Variants in DGKB observed in about 807,000 individuals in gnomAD.
DGKB encodes diacylglycerol kinase beta.
DGKB carries 67 observed loss-of-function variants against 114.3 expected under a neutral mutation model. The ratio of observed to expected loss-of-function variants is 0.59; its 90% CI spans 0.48 to 0.72. DGKB has a LOEUF of 0.72. Among genes scored for constraint, DGKB ranks in the 30% least tolerant of loss-of-function variants. The pLI, the probability that DGKB is intolerant of heterozygous loss-of-function variation, is 0.00. For synonymous variants in DGKB, 398 were observed against 323.1 expected (o/e 1.23, Z -2.49); for missense variants, 907 against 975.2 (o/e 0.93, Z 0.93).
At chr7:14,669,438 G>A (rs1450803470) in intron 13 of DGKB, among the ~76,000 whole-genome samples, 1 of 152,064 alleles carries the variant, frequency 6.6e-6, no homozygotes, top group African/African-American at 2.4e-5. Flanking sequence ...AGAATCTGTT[G>A]GTGAAGTTCT....
intron 1 of DGKB, among the ~76,000 whole-genome samples, chr7:14,860,278 GAAGT>G (rs1361307127): frequency 6.6e-6 from 1 of 151,962 alleles, no homozygotes; most frequent in Admixed American, 6.6e-5. Flanking sequence ...AATCTATAAA[GAAGT>G]AAGCATTTTC....
At position 14,226,919 on chromosome 7, in the gene DGKB, A is replaced by G. The variant is rs1397382182; in HGVS notation, c.2123-48768T>C. 2.0e-5 allele frequency among the ~76,000 whole-genome samples: 3 copies of G among 152,032 alleles called. No homozygotes were observed. The East Asian group carries it at 5.8e-4, about 30-fold the overall frequency. Reference sequence around the variant, plus strand: ...GGTTAAAAAAGAATCTCATTTATCTATTTAATGGGGGTCTCACTGTGTTGC... The same window carrying G: ...GGTTAAAAAAGAATCTCATTTATCTGTTTAATGGGGGTCTCACTGTGTTGC... On this transcript the variant is annotated intron_variant, in intron 23 of 25. Transcript: ENST00000402815.
intron 19 of DGKB, among the ~76,000 whole-genome samples, chr7:14,576,460 A>C (rs1483388471): frequency 6.6e-6 from 1 of 151,888 alleles, no homozygotes; most frequent in African/African-American, 2.4e-5. Flanking sequence ...AAATATATTC[A>C]TCTATTTTCC....
intron 19 of DGKB, among the ~76,000 whole-genome samples, chr7:14,578,114 A>C (rs1799431752): frequency 6.6e-6 from 1 of 151,958 alleles, no homozygotes; most frequent in Non-Finnish European, 1.5e-5. Context: ...ATGAGATCTG[A>C]TGGTTTTATC....
chr7:14,843,070 G>T (rs1467883294), intron 1 of DGKB, among the ~76,000 whole-genome samples: 2 of 151,894 alleles, frequency 1.3e-5, no homozygotes, highest in Non-Finnish European at 1.5e-5. Context: ...TGGATGTAGT[G>T]GTGCACATCT....
At chr7:14,842,126 T>C (rs531250766) in intron 1 of DGKB, among the ~76,000 whole-genome samples, 7 of 152,236 alleles carry the variant, frequency 4.6e-5, no homozygotes, top group Non-Finnish European at 8.8e-5. Flanking sequence ...CTATAATCAA[T>C]TGCTCAATAA....
chr7:14,868,836 A>G (rs964483419), intron 1 of DGKB, among the ~76,000 whole-genome samples: 23 of 152,116 alleles, frequency 1.5e-4, no homozygotes, highest in Non-Finnish European at 4.4e-5. Flanking sequence ...AGAATCTAGC[A>G]GATTCTGTTG....
At chr7:14,204,508 C>T (rs1038219483) in intron 23 of DGKB, among the ~76,000 whole-genome samples, 2 of 151,990 alleles carry the variant, frequency 1.3e-5, no homozygotes, top group Admixed American at 6.6e-5. Context: ...GAGACCACCT[C>T]TCTACTTACA....
chr7:14,600,966 A>G (rs1391979580), intron 17 of DGKB, among the ~76,000 whole-genome samples: 4 of 152,042 alleles, frequency 2.6e-5, no homozygotes, highest in African/African-American at 4.8e-5. Context: ...TCCACTAGGC[A>G]TTGTCCTAGT....
chr7:14,235,217 G>A (rs1792578064), intron 23 of DGKB, among the ~76,000 whole-genome samples: 1 of 152,030 alleles, frequency 6.6e-6, no homozygotes, highest in Non-Finnish European at 1.5e-5. Flanking sequence ...CATCTGCGGA[G>A]CCAAGACTAG....
intron 1 of DGKB, among the ~76,000 whole-genome samples, chr7:14,870,014 A>C (rs558273108): frequency 3.3e-5 from 5 of 152,196 alleles, no homozygotes; most frequent in African/African-American, 9.6e-5. Flanking sequence ...TTTTTCTATC[A>C]ACATGTTAAA....
intron 21 of DGKB, among the ~76,000 whole-genome samples, chr7:14,415,966 A>T (rs1413386814): frequency 1.3e-5 from 2 of 152,082 alleles, no homozygotes; most frequent in Admixed American, 6.6e-5. Context: ...TGTCATTCTA[A>T]CTGGTGTGAG....
chr7:14,778,508 T>C (rs774671389), intron 2 of DGKB, among the ~76,000 whole-genome samples: 24 of 152,246 alleles, frequency 1.6e-4, no homozygotes, highest in Non-Finnish European at 3.4e-4. Flanking sequence ...AATAAAATGA[T>C]AATTGATTTT....
intron 1 of DGKB, among the ~76,000 whole-genome samples, chr7:14,883,628 C>T (rs1448760073): frequency 6.6e-6 from 1 of 151,900 alleles, no homozygotes; most frequent in African/African-American, 2.4e-5. Context: ...TTTGTATTAA[C>T]CACTGTGACT....
chr7:14,357,954 G>A (rs538780429), intron 21 of DGKB, among the ~76,000 whole-genome samples: 1 of 152,304 alleles, frequency 6.6e-6, no homozygotes, highest in Admixed American at 6.5e-5. Context: ...TTTCTGCAGA[G>A]AGATCTGCTG....
At chr7:14,569,745 G>T (rs1189605855) in intron 20 of DGKB, among the ~76,000 whole-genome samples, 2 of 150,688 alleles carry the variant, frequency 1.3e-5, no homozygotes, top group South Asian at 2.1e-4. Context: ...TTTTAAATAA[G>T]TTTGTTATAA....
intron 13 of DGKB, among the ~76,000 whole-genome samples, chr7:14,668,390 C>G (rs1818404196): frequency 6.6e-6 from 1 of 152,042 alleles, no homozygotes; most frequent in African/African-American, 2.4e-5. Flanking sequence ...CAGATAAAAT[C>G]TCTCTATTGG....
At chr7:14,601,217 G>A (rs544461842) in intron 17 of DGKB, among the ~76,000 whole-genome samples, 4 of 152,306 alleles carry the variant, frequency 2.6e-5, no homozygotes, top group Non-Finnish European at 5.9e-5. Context: ...TGGCCCAGGA[G>A]TGCTGCACTA....
At chr7:14,161,579 C>T (rs1783897994) in intron 25 of DGKB, among the ~76,000 whole-genome samples, 1 of 151,840 alleles carries the variant, frequency 6.6e-6, no homozygotes, top group South Asian at 2.1e-4. Flanking sequence ...GAAAATCAAA[C>T]AGCACATGTT....
Sources: gnomAD v4.1 joint callset for allele counts (sites outside exome capture counted in the v4.1 genomes callset) on GRCh38, gnomAD v4.1.1 for gene constraint, MANE v1.5 for transcripts, NCBI Gene and HGNC (gene_info 2026-07-23, HGNC 2026-07-21) for gene names.